Variants in CCL1 observed in about 807,000 individuals in gnomAD.
The protein encoded by CCL1 is C-C motif chemokine 1.
A neutral mutation model predicts 7.5 loss-of-function variants in CCL1; 9 were observed. The observed-to-expected ratio is 1.20, with a 90% CI of 0.72 to 2.09. The LOEUF (loss-of-function observed/expected upper bound fraction) is 2.09. Ranked by LOEUF, CCL1 falls within the 30% of genes most tolerant of loss-of-function variation. The probability of loss-of-function intolerance (pLI) is 0.00; values close to 1 mark genes in which losing one functional copy is unlikely to be tolerated. For synonymous variants in CCL1, 48 were observed against 44.7 expected (o/e 1.07, Z -0.30); for missense variants, 110 against 113.7 (o/e 0.97, Z 0.15).
chr17:34,360,613 T>C lies in CCL1; in HGVS notation c.237A>G (p.Gly79=), dbSNP rs751016908. 5 of 1,613,688 alleles carry C rather than the reference T, an allele frequency of 3.1e-6. No homozygotes were observed. The highest frequency in any genetic ancestry group is 4.2e-6 in the Non-Finnish European group (5 of 1,179,932). ...GCATTTTTCTGTGCCTCTGAACCCA[T>C]CCAACTGTGTCCAAGGCGCAGGCCT... ...GKEACALDTV[G]WVQRHRKMLR... is the part of the protein sequence containing the mutation. The change falls in exon 3 of 3, where the codon GGA becomes GGG. Residue 79 remains glycine (G), a synonymous_variant. Transcript: ENST00000225842.
chr17:34,361,636 C>T (rs1450169565), intron 2 of CCL1, 149 bp downstream of exon 2: 11 of 604,674 alleles, frequency 1.8e-5, no homozygotes, highest in Non-Finnish European at 2.4e-5. Context: ...CTCCCTCTAG[C>T]GCCCAAGTGT....
At position 34,360,741 on chromosome 17, in the gene CCL1, G is replaced by A. The variant is rs151310004; in HGVS notation, c.189-80C>T. 565 of 1,062,032 alleles carry A rather than the reference G, an allele frequency of 5.3e-4. 3 individuals carry two copies. In the African/African-American group the frequency reaches 7.5e-3, roughly 14 times the overall value. 65.8% of individuals were successfully genotyped at this position (1,062,032 alleles called of 1,614,324 possible). A position where few individuals can be genotyped will look rare whatever the true frequency, so the allele number is the denominator to read the frequency against. ...GCAACGCACAAGCCCCGCCTCCTCC[G>A]GCTGCCAGGTCCCCTAAACTGCTCT... On this transcript the variant is annotated intron_variant, in intron 2 of 2. Transcript: ENST00000225842.
intron 2 of CCL1, 82 bp from the exon 3 acceptor site, chr17:34,360,743 C>G (rs1467467991): frequency 3.8e-6 from 4 of 1,040,240 alleles, no homozygotes; most frequent in Non-Finnish European, 6.0e-6. Flanking sequence ...CCTCCTCCGG[C>G]TGCCAGGTCC....
At chr17:34,362,272 T>C (rs1910526919) in intron 1 of CCL1, among the ~76,000 whole-genome samples, 1 of 152,188 alleles carries the variant, frequency 6.6e-6, no homozygotes, top group Non-Finnish European at 1.5e-5. Flanking sequence ...GTCCAAGGGC[T>C]CTGGACCCCA....
In CCL1 at chr17:34,361,797, T is replaced by C. The variant is rs760282277; in HGVS notation, c.176A>G (p.Asn59Ser). 3.7e-6 allele frequency: 6 copies of C among 1,609,232 alleles called. No individual in the cohort carries two copies. The highest frequency in any genetic ancestry group is 2.2e-5 in the East Asian group (1 of 44,814). ...CYRNTSSICSNEGLIFKLKRG... is the reference protein window; with the variant it reads ...CYRNTSSICSSEGLIFKLKRG... The stretch of plus-strand genomic sequence containing the variant: ...GGTGATCACTTACATTAAGCCCTCA[T>C]TGGAGCAGATGGAGCTGGTATTTCT... Residue 59 changes from asparagine to serine, a missense_variant, in exon 2 of 3, where the codon AAT becomes AGT. Transcript: ENST00000225842.
At position 34,361,792 on chromosome 17, in the gene CCL1, C is replaced by G. The variant is rs772552276; in HGVS notation, c.181G>C (p.Gly61Arg). ...RNTSSICSNEGLIFKLKRGKE... is the reference protein window; with the variant it reads ...RNTSSICSNERLIFKLKRGKE... ...GAGCAGGTGATCACTTACATTAAGC[C>G]CTCATTGGAGCAGATGGAGCTGGTA... Residue 61 changes from glycine (G) to arginine (R), a missense_variant, in exon 2 of 3, where the codon GGC becomes CGC. Physicochemically the swap from Gly to Arg is moderately radical, Grantham distance 125 (BLOSUM62 -2). Coordinates refer to ENST00000225842, the MANE Select transcript of CCL1 (RefSeq NM_002981.2). The G allele has an allele frequency of 1.9e-5, 30 of 1,604,062 alleles. No individual in the cohort carries two copies. In the East Asian group the frequency reaches 6.5e-4, roughly 35 times the overall value.
At chr17:34,361,144 G>T (rs1211869873) in intron 2 of CCL1, among the ~76,000 whole-genome samples, 2 of 151,966 alleles carry the variant, frequency 1.3e-5, no homozygotes, top group African/African-American at 2.4e-5. Flanking sequence ...CCAATCTATA[G>T]ACCAACTCTA....
chr17:34,361,887 G>A lies in CCL1; in HGVS notation c.86C>T (p.Pro29Leu). ...AAATGAGAAGCAACATCTGGAGAAG[G>A]GTACCTGCACTAGAAGAGGAACACA... Reference protein sequence around the residue: ...EDVDSKSMQVPFSRCCFSFAE... With the variant: ...EDVDSKSMQVLFSRCCFSFAE... The change falls in exon 2 of 3, where the codon CCC becomes CTC. Residue 29 changes from proline to leucine, a missense_variant. By Grantham distance (98) the Pro-to-Leu change is moderately conservative (BLOSUM62 -3). Coordinates refer to ENST00000225842, the MANE Select transcript of CCL1 (RefSeq NM_002981.2). The A allele has an allele frequency of 3.7e-6, 6 of 1,607,558 alleles. No homozygotes were observed. Among genetic ancestry groups the A allele is most frequent in the Non-Finnish European group, 5.1e-6 (6 of 1,174,278 alleles).
In CCL1 at chr17:34,361,873, A is replaced by G; in HGVS notation, c.100T>C (p.Cys34Arg). 1 of 1,612,428 alleles carries G rather than the reference A, an allele frequency of 6.2e-7. No individual in the cohort carries two copies. The highest frequency in any genetic ancestry group is 8.5e-7 in the Non-Finnish European group (1 of 1,178,510). The change falls in exon 2 of 3, where the codon TGC becomes CGC. Residue 34 changes from cysteine (C) to arginine (R), a missense_variant. Cys to Arg is a radical substitution (Grantham distance 180). Coordinates refer to ENST00000225842, the MANE Select transcript of CCL1 (RefSeq NM_002981.2). ...KSMQVPFSRC[C>R]FSFAEQEIPL... Reference sequence around the variant, plus strand: ...ATCTCTTGCTCCGCAAATGAGAAGCAACATCTGGAGAAGGGTACCTGCACT... The same window carrying G: ...ATCTCTTGCTCCGCAAATGAGAAGCGACATCTGGAGAAGGGTACCTGCACT...
chr17:34,360,754 C>T (rs1910485358), intron 2 of CCL1, 93 bp from the exon 3 acceptor site: 1 of 914,282 alleles, frequency 1.1e-6, no homozygotes, highest in East Asian at 2.4e-5. Flanking sequence ...TGCCAGGTCC[C>T]CTAAACTGCT....
chr17:34,361,898 T>C lies in CCL1; in HGVS notation c.77-2A>G, dbSNP rs1597614867. On this transcript the variant is annotated splice_acceptor_variant, in intron 1 of 2. Coordinates refer to ENST00000225842, the MANE Select transcript of CCL1 (RefSeq NM_002981.2). LOFTEE classifies it high-confidence loss of function. The stretch of plus-strand genomic sequence containing the variant: ...AACATCTGGAGAAGGGTACCTGCAC[T>C]AGAAGAGGAACACAGACGATGGTTT... 6.3e-7 allele frequency: 1 copy of C among 1,586,992 alleles called. No individual in the cohort carries two copies. Among genetic ancestry groups the C allele is most frequent in the South Asian group, 1.1e-5 (1 of 90,444 alleles).
chr17:34,361,178 A>G (rs1363111529), intron 2 of CCL1, among the ~76,000 whole-genome samples: 1 of 152,138 alleles, frequency 6.6e-6, no homozygotes, highest in African/African-American at 2.4e-5. Context: ...GGTTGATCTT[A>G]GACAAATATC....
In CCL1 at chr17:34,363,109, G is replaced by A. The variant is rs559669850; in HGVS notation, c.53C>T (p.Pro18Leu). The change falls in exon 1 of 3, where the codon CCG (proline) becomes CTG (leucine). Residue 18 changes from proline to leucine, a missense_variant. Pro to Leu is a moderately conservative substitution (Grantham distance 98). Coordinates refer to ENST00000225842, the MANE Select transcript of CCL1 (RefSeq NM_002981.2). ...ACTGCTCTTGCTGTCCACATCTTCC[G>A]GCCACATCCCAGCTAGCAGCAAGCA... ...LVCLLLAGMW[P>L]EDVDSKSMQV... 2.0e-5 allele frequency: 32 copies of A among 1,613,282 alleles called. No individual in the cohort carries two copies. The highest frequency in any genetic ancestry group is 1.1e-4 in the East Asian group (5 of 44,866).
At chr17:34,362,872 A>G (rs1037080995) in intron 1 of CCL1, among the ~76,000 whole-genome samples, 5 of 151,170 alleles carry the variant, frequency 3.3e-5, no homozygotes, top group African/African-American at 4.9e-5. Flanking sequence ...CCTTGTACTG[A>G]AGCTGTCAGT....
At chr17:34,361,946 C>G in intron 1 of CCL1, 50 bp from the exon 2 acceptor site, 1 of 1,252,360 alleles carries the variant, frequency 8.0e-7, no homozygotes. Flanking sequence ...CAACCTCTCA[C>G]CTGTAGCACA....
In CCL1 at chr17:34,360,343, A is replaced by G; in HGVS notation, c.*216T>C. ...CCCTGGCTCCCACCTCTCAATGCCA[A>G]TCAAGTTTTCACTCTGAAATCCAAG... On this transcript the variant is annotated 3_prime_UTR_variant, in exon 3 of 3. Coordinates refer to ENST00000225842, the MANE Select transcript of CCL1 (RefSeq NM_002981.2). The G allele has an allele frequency of 2.0e-6, 1 of 508,426 alleles. No individual in the cohort carries two copies. Among genetic ancestry groups the G allele is most frequent in the Non-Finnish European group, 3.6e-6 (1 of 279,152 alleles). The allele number at this position is 508,426 out of a possible 1,614,324, so 31.5% of individuals were successfully genotyped here. A position where few individuals can be genotyped will look rare whatever the true frequency, so the allele number is the denominator to read the frequency against.
Position 34,360,567 on chromosome 17 carries a change from T to G in CCL1, c.283A>C (p.Arg95=). 1.2e-6 allele frequency: 2 copies of G among 1,613,360 alleles called. No homozygotes were observed. Among genetic ancestry groups the G allele is most frequent in the Non-Finnish European group, 1.7e-6 (2 of 1,179,416 alleles). ...AATGGAAAGAAATCTGCTCATTTTC[T>G]TTTTGACGGGCAGTGCCTCAGCATT... is the stretch of plus-strand genomic sequence containing the variant. ...RKMLRHCPSK[R]K The change falls in exon 3 of 3, where the codon AGA becomes CGA. Residue 95 remains arginine, a synonymous_variant. Coordinates refer to ENST00000225842, the MANE Select transcript of CCL1 (RefSeq NM_002981.2).
At chr17:34,361,708 A>C in intron 2 of CCL1, 77 bp downstream of exon 2, 1 of 980,026 alleles carries the variant, frequency 1.0e-6, no homozygotes, top group Non-Finnish European at 1.6e-6. Context: ...AAATACTGTC[A>C]TCTAGTGTCT....
chr17:34,363,009 C>T lies in CCL1; in HGVS notation c.76+77G>A. On this transcript the variant is annotated intron_variant, in intron 1 of 2. Coordinates refer to ENST00000225842, the MANE Select transcript of CCL1 (RefSeq NM_002981.2). ...TAGAGTTGGTGAGTTCAAGGAGAAG[C>T]CTGCTCCAACCCCAGAGTGGCTGAC... 3.0e-6 allele frequency: 4 copies of T among 1,349,558 alleles called. No homozygotes were observed. The South Asian group carries it at 3.6e-5, about 12-fold the overall frequency. The allele number at this position is 1,349,558 out of a possible 1,614,324, so 83.6% of individuals were successfully genotyped here.
Sources: allele counts gnomAD v4.1 joint callset (sites outside exome capture counted in the v4.1 genomes callset), GRCh38; gene constraint gnomAD v4.1.1; transcripts MANE v1.5; gene names NCBI Gene and HGNC (gene_info 2026-07-23, HGNC 2026-07-21).